The following ACAP2 variants were observed in gnomAD, a reference collection of about 807,000 sequenced individuals.
The protein encoded by ACAP2 is ArfGAP with coiled-coil, ankyrin repeat and PH domains 2.
Under a neutral mutation model 115.8 loss-of-function variants are expected in ACAP2, and 39 were observed. The ratio of observed to expected loss-of-function variants is 0.34; its 90% CI spans 0.26 to 0.44. ACAP2 has a LOEUF of 0.44. ACAP2 is among the 20% of genes least tolerant of loss of function. ACAP2 has a pLI of 1.00. For synonymous variants in ACAP2, 289 were observed against 315.8 expected (o/e 0.92, Z 0.90); for missense variants, 662 against 927.6 (o/e 0.71, Z 3.72).
Position 195,326,970 on chromosome 3 carries a change from G to C in ACAP2, c.670-11C>G. ...AACCAGTCGATCCAACTGTAAAAAG[G>C]GAAAAGAGAAAACTGCAGACTTAAA... On this transcript the variant is annotated splice_polypyrimidine_tract_variant and intron_variant, in intron 8 of 22. Coordinates refer to ENST00000326793, the MANE Select transcript of ACAP2 (RefSeq NM_012287.6). 1 of 1,611,560 alleles carries C rather than the reference G, an allele frequency of 6.2e-7. No homozygotes were observed. Among genetic ancestry groups the C allele is most frequent in the Non-Finnish European group, 8.5e-7 (1 of 1,178,594 alleles).
At chr3:195,288,624 G>T (rs527711524) in intron 21 of ACAP2, among the ~76,000 whole-genome samples, 1 of 152,132 alleles carries the variant, frequency 6.6e-6, no homozygotes, top group Non-Finnish European at 1.5e-5. Context: ...TTGGGAGGCC[G>T]AGGCGGGTGG....
At chr3:195,391,938 T>A (rs1049788552) in intron 2 of ACAP2, 152 bp downstream of exon 2, 4 of 566,078 alleles carry the variant, frequency 7.1e-6, no homozygotes, top group Non-Finnish European at 1.3e-5. Context: ...GAGGTTGCAG[T>A]GAGCTGAGAT....
chr3:195,351,112 A>T (rs1731540516), intron 4 of ACAP2, among the ~76,000 whole-genome samples: 1 of 129,286 alleles, frequency 7.7e-6, no homozygotes, highest in Non-Finnish European at 1.6e-5. Flanking sequence ...ATATGAAGAT[A>T]AATCCTTTTT....
chr3:195,303,172 T>C (rs1313744836), intron 13 of ACAP2, among the ~76,000 whole-genome samples: 3 of 152,072 alleles, frequency 2.0e-5, no homozygotes, highest in Non-Finnish European at 1.5e-5. Context: ...GCCAAGATCA[T>C]GTTGACAAGA....
chr3:195,398,538 G>A (rs1190666982), intron 1 of ACAP2, among the ~76,000 whole-genome samples: 1 of 151,968 alleles, frequency 6.6e-6, no homozygotes, highest in East Asian at 1.9e-4. Flanking sequence ...TCGGGAGGCT[G>A]AGGCAGGAGA....
chr3:195,348,318 T>TAC (rs1273970321), intron 4 of ACAP2, among the ~76,000 whole-genome samples: 1 of 131,306 alleles, frequency 7.6e-6, no homozygotes, highest in Non-Finnish European at 1.8e-5. Context: ...AAACACATCC[T>TAC]ACAAAGAAAA....
At chr3:195,380,097 T>C (rs973729403) in intron 4 of ACAP2, among the ~76,000 whole-genome samples, 2 of 152,108 alleles carry the variant, frequency 1.3e-5, no homozygotes, top group Non-Finnish European at 2.9e-5. Flanking sequence ...CTCAAAAAGT[T>C]AAACATAGAA....
chr3:195,415,826 T>A (rs1197408268), intron 1 of ACAP2, among the ~76,000 whole-genome samples: 1 of 152,144 alleles, frequency 6.6e-6, no homozygotes, highest in East Asian at 1.9e-4. Context: ...GTAAATTTTT[T>A]AAAATTTCAA....
intron 8 of ACAP2, among the ~76,000 whole-genome samples, chr3:195,328,273 A>G (rs1402016244): frequency 1.3e-5 from 2 of 152,226 alleles, no homozygotes; most frequent in Admixed American, 6.5e-5. Flanking sequence ...AAATGTCTAC[A>G]CATTTTAAGT....
chr3:195,342,818 A>AC, intron 5 of ACAP2, 164 bp from the exon 6 acceptor site: 1 of 469,922 alleles, frequency 2.1e-6, no homozygotes, highest in Non-Finnish European at 3.7e-6. Context: ...ACATGGTGAA[A>AC]CCCCATCTCT....
chr3:195,423,474 T>G (rs889294334), intron 1 of ACAP2, among the ~76,000 whole-genome samples: 3 of 151,986 alleles, frequency 2.0e-5, no homozygotes, highest in Admixed American at 6.6e-5. Flanking sequence ...ATTACCAAAA[T>G]TAGCCGGGTG....
At chr3:195,397,048 G>C (rs1711853690) in intron 1 of ACAP2, among the ~76,000 whole-genome samples, 1 of 152,036 alleles carries the variant, frequency 6.6e-6, no homozygotes, top group South Asian at 2.1e-4. Context: ...TGGATTTCAG[G>C]CTCTAAGTCA....
At chr3:195,370,951 T>C (rs1330969838) in intron 4 of ACAP2, among the ~76,000 whole-genome samples, 1 of 97,808 alleles carries the variant, frequency 1.0e-5, no homozygotes, top group Non-Finnish European at 1.9e-5. Flanking sequence ...AAACTCTGTC[T>C]CAAAAAAAAA....
At chr3:195,294,081 G>C (rs1727456534) in intron 18 of ACAP2, among the ~76,000 whole-genome samples, 1 of 152,020 alleles carries the variant, frequency 6.6e-6, no homozygotes, top group Non-Finnish European at 1.5e-5. Context: ...GGGGCTTGCA[G>C]TAAGCGAAGA....
intron 20 of ACAP2, among the ~76,000 whole-genome samples, chr3:195,290,718 C>G (rs1461995228): frequency 6.6e-6 from 1 of 151,946 alleles, no homozygotes; most frequent in Non-Finnish European, 1.5e-5. Context: ...GGGGCTAAGG[C>G]AGGAGAATCG....
intron 1 of ACAP2, among the ~76,000 whole-genome samples, chr3:195,435,804 GAGA>G (rs1560371133): frequency 6.6e-6 from 1 of 152,036 alleles, no homozygotes; most frequent in African/African-American, 2.4e-5. Flanking sequence ...ATGTAAACTC[GAGA>G]AGAATGTGAA....
intron 18 of ACAP2, 130 bp from the exon 19 acceptor site, chr3:195,292,582 A>G: frequency 1.2e-6 from 1 of 828,044 alleles, no homozygotes; most frequent in South Asian, 1.8e-5. Context: ...TAAAGATAGC[A>G]CACTAATGGG....
chr3:195,291,284 T>G (rs1394956609), intron 20 of ACAP2, among the ~76,000 whole-genome samples: 3 of 152,224 alleles, frequency 2.0e-5, no homozygotes, highest in African/African-American at 7.2e-5. Context: ...GAATTTGACT[T>G]TAGCTACCCT....
intron 4 of ACAP2, among the ~76,000 whole-genome samples, chr3:195,356,515 C>T (rs1006181907): frequency 6.6e-6 from 1 of 152,114 alleles, no homozygotes; most frequent in Non-Finnish European, 1.5e-5. Flanking sequence ...GCTAAGGGAG[C>T]GCTTGTGTCA....
Sources: allele counts gnomAD v4.1 joint callset (sites outside exome capture counted in the v4.1 genomes callset), GRCh38; gene constraint gnomAD v4.1.1; transcripts MANE v1.5; gene names NCBI Gene and HGNC (gene_info 2026-07-23, HGNC 2026-07-21).